The following RASGEF1C variants were observed in gnomAD, a reference collection of about 807,000 sequenced individuals.
RASGEF1C encodes the protein RasGEF domain family member 1C.
RASGEF1C carries 27 observed loss-of-function variants against 58.1 expected under a neutral mutation model. The observed-to-expected ratio is 0.46, with a 90% CI of 0.34 to 0.64. The LOEUF is 0.64. RASGEF1C is among the 30% of genes least tolerant of loss of function. RASGEF1C has a pLI of 0.01. For missense variants in RASGEF1C, 502 were observed against 605.1 expected (o/e 0.83, Z 1.79); for synonymous variants, 243 against 246.3 (o/e 0.99, Z 0.13).
chr5:180,148,399 CT>C (rs1766692284), intron 1 of RASGEF1C, among the ~76,000 whole-genome samples: 1 of 137,662 alleles, frequency 7.3e-6, no homozygotes, highest in Non-Finnish European at 1.6e-5. Context: ...TTTTTTTTTT[CT>C]ATTGCCTTGT....
At chr5:180,203,675 AATAG>A (rs1756438553) in intron 1 of RASGEF1C, among the ~76,000 whole-genome samples, 1 of 152,220 alleles carries the variant, frequency 6.6e-6, no homozygotes, top group Non-Finnish European at 1.5e-5. Flanking sequence ...AGTACACAGC[AATAG>A]ATAACTAATA....
rs541492315 is a variant in RASGEF1C at position 180,111,639 on chromosome 5, G to C, written c.1180-59C>G. On this transcript the variant is annotated intron_variant, in intron 11 of 13. Coordinates refer to ENST00000361132, the MANE Select transcript of RASGEF1C (RefSeq NM_175062.4). ...CTCCAGTGCCTGGAGGTCCCCATGA[G>C]GGGGAGGGGCTGGTCCTGGCAGAGA... 118 of 1,601,446 alleles carry C rather than the reference G, an allele frequency of 7.4e-5. 1 individual carries two copies. The African/African-American group carries it at 9.4e-4, about 13-fold the overall frequency.
intron 7 of RASGEF1C, 55 bp from the exon 8 acceptor site, chr5:180,119,503 C>T: frequency 7.3e-7 from 1 of 1,369,090 alleles, no homozygotes; most frequent in Non-Finnish European, 1.0e-6. Context: ...CTGCCCTGAT[C>T]AGGCCCGCTC....
Position 180,180,014 on chromosome 5 carries a change from G to A in RASGEF1C, c.-7+29014C>T, listed in dbSNP as rs188867844. Among the ~76,000 whole-genome samples the A allele has an allele frequency of 1.8e-3, 268 of 152,334 alleles. 1 individual carries two copies. The highest frequency in any genetic ancestry group is 2.8e-3 in the Non-Finnish European group (188 of 68,024). ...CGAGTGGGCAGAGAGAAGGTGGAGT[G>A]CAGTGATGGAGCTGCCAGCTAGGCG... On this transcript the variant is annotated intron_variant, in intron 1 of 13. Coordinates refer to ENST00000361132, the MANE Select transcript of RASGEF1C (RefSeq NM_175062.4).
chr5:180,135,963 G>C (rs375207905), intron 4 of RASGEF1C, among the ~76,000 whole-genome samples: 1 of 152,228 alleles, frequency 6.6e-6, no homozygotes, highest in African/African-American at 2.4e-5. Context: ...CTGATTTGCA[G>C]GTCCCTGCCT....
chr5:180,128,448 G>A lies in RASGEF1C; in HGVS notation c.601C>T (p.Pro201Ser). Residue 201 changes from proline (P) to serine (S), a missense_variant, in exon 5 of 14, where the codon CCC (proline) becomes TCC (serine). Physicochemically the swap from Pro to Ser is moderately conservative, Grantham distance 74. Coordinates refer to ENST00000361132, the MANE Select transcript of RASGEF1C (RefSeq NM_175062.4). ...GTCAGCTGCTGGGCCAGTGTGTAGGGGTCGCTGCAGACACCAAGGAGCTCC... is the reference window on the plus strand; with the variant it reads ...GTCAGCTGCTGGGCCAGTGTGTAGGAGTCGCTGCAGACACCAAGGAGCTCC... ...HRELLGVCSD[P>S]YTLAQQLTHV... The A allele has an allele frequency of 6.2e-7, 1 of 1,614,000 alleles. No homozygotes were observed. Among genetic ancestry groups the A allele is most frequent in the African/African-American group, 1.3e-5 (1 of 75,046 alleles).
intron 1 of RASGEF1C, among the ~76,000 whole-genome samples, chr5:180,163,586 T>C (rs897477471): frequency 6.6e-6 from 1 of 152,158 alleles, no homozygotes; most frequent in Non-Finnish European, 1.5e-5. Flanking sequence ...AATTTATAAA[T>C]AGTAAACCAG....
intron 12 of RASGEF1C, among the ~76,000 whole-genome samples, chr5:180,107,376 A>G (rs1765888095): frequency 6.6e-6 from 1 of 151,846 alleles, no homozygotes; most frequent in African/African-American, 2.4e-5. Context: ...GGTTTACCTG[A>G]ACAGCTTTTA....
chr5:180,152,621 A>C (rs1034188907), intron 1 of RASGEF1C, among the ~76,000 whole-genome samples: 1 of 150,056 alleles, frequency 6.7e-6, no homozygotes, highest in Non-Finnish European at 1.5e-5. Flanking sequence ...TTAAATGACG[A>C]GTTAATGGGT....
intron 1 of RASGEF1C, among the ~76,000 whole-genome samples, chr5:180,190,656 A>G (rs1756147891): frequency 1.3e-5 from 2 of 151,520 alleles, no homozygotes; most frequent in African/African-American, 4.8e-5. Flanking sequence ...TGACAGAGCT[A>G]GACCCTGTCT....
chr5:180,167,194 T>A (rs1767036856), intron 1 of RASGEF1C, among the ~76,000 whole-genome samples: 1 of 152,226 alleles, frequency 6.6e-6, no homozygotes, highest in Non-Finnish European at 1.5e-5. Context: ...CTTCTGAGAC[T>A]CTAGTGACAT....
Position 180,137,744 on chromosome 5 carries a change from TCAGGAGGGCAC to T in RASGEF1C, c.178-43_178-33del. On this transcript the variant is annotated intron_variant, in intron 2 of 13. Coordinates refer to ENST00000361132, the MANE Select transcript of RASGEF1C (RefSeq NM_175062.4). The surrounding 1 kb of genome is among the most constrained non-coding windows in gnomAD (Gnocchi z 4.1). ...GACACACGAGAAAGAGGGCACAGGC[TCAGGAGGGCAC>T]CAGGAGGGGCATGCTTCCCAGCTGG... 1 of 1,611,144 alleles carries T rather than the reference TCAGGAGGGCAC, an allele frequency of 6.2e-7. No homozygotes were observed. Among genetic ancestry groups the T allele is most frequent in the South Asian group, 1.1e-5 (1 of 90,834 alleles).
At chr5:180,114,568 C>G in intron 10 of RASGEF1C, 27 bp from the exon 11 acceptor site, 1 of 1,593,872 alleles carries the variant, frequency 6.3e-7, no homozygotes, top group Non-Finnish European at 8.6e-7. Context: ...GCAGGTCGGC[C>G]CCAGCCGGCC....
At position 180,137,812 on chromosome 5, in the gene RASGEF1C, C is replaced by A. The variant is rs1342453797; in HGVS notation, c.177+64G>T. On this transcript the variant is annotated intron_variant, in intron 2 of 13. Coordinates refer to ENST00000361132, the MANE Select transcript of RASGEF1C (RefSeq NM_175062.4). The surrounding 1 kb of genome is among the most constrained non-coding windows in gnomAD (Gnocchi z 4.1). Reference sequence around the variant, plus strand: ...ACCCTGGCCCAAGGTCACGCCCAACCCTGATGCCCCCCGTGCGTGGTGGAG... The same window carrying A: ...ACCCTGGCCCAAGGTCACGCCCAACACTGATGCCCCCCGTGCGTGGTGGAG... 3.1e-6 allele frequency: 5 copies of A among 1,602,198 alleles called. No individual in the cohort carries two copies. The Admixed American group carries it at 5.1e-5, about 16-fold the overall frequency.
At chr5:180,192,432 TTACTG>T (rs1358600660) in intron 1 of RASGEF1C, among the ~76,000 whole-genome samples, 1 of 152,166 alleles carries the variant, frequency 6.6e-6, no homozygotes, top group Non-Finnish European at 1.5e-5. Context: ...CATGTTGTGT[TTACTG>T]TACATCAGTC....
At chr5:180,118,764 G>A (rs780748587) in intron 9 of RASGEF1C, 23 bp downstream of exon 9, 39 of 1,613,950 alleles carry the variant, frequency 2.4e-5, no homozygotes, top group Middle Eastern at 1.6e-4. Context: ...GGAGGCACCC[G>A]GCAGCCCAGC....
At chr5:180,131,085 ATC>A (rs1424343713) in intron 4 of RASGEF1C, among the ~76,000 whole-genome samples, 9 of 151,954 alleles carry the variant, frequency 5.9e-5, no homozygotes, top group East Asian at 3.9e-4. Context: ...GGCCACTGTC[ATC>A]TCTCTGCTGC....
chr5:180,153,917 C>T (rs540106463), intron 1 of RASGEF1C, among the ~76,000 whole-genome samples: 1 of 152,260 alleles, frequency 6.6e-6, no homozygotes, highest in African/African-American at 2.4e-5. Context: ...GTTCCCAGTC[C>T]CCGTACTCCA....
rs1396707231 is a variant in RASGEF1C, at chr5:180,101,433, C to A, written c.*68G>T. 1.3e-6 allele frequency: 2 copies of A among 1,588,932 alleles called. No homozygotes were observed. Among genetic ancestry groups the A allele is most frequent in the Non-Finnish European group, 1.7e-6 (2 of 1,168,682 alleles). The stretch of plus-strand genomic sequence containing the variant: ...CACTCCCTGGCCTCTGCCCACTGGG[C>A]CACTGAGGCAGGGCTGTGGACGGCT... On this transcript the variant is annotated 3_prime_UTR_variant, in exon 14 of 14. Transcript: ENST00000361132.
Sources: gnomAD v4.1 joint callset for allele counts (sites outside exome capture counted in the v4.1 genomes callset) on GRCh38, gnomAD v4.1.1 for gene constraint, Gnocchi (gnomAD v3.1) non-coding constraint, MANE v1.5 for transcripts, NCBI Gene and HGNC (gene_info 2026-07-23, HGNC 2026-07-21) for gene names.